AKAP10: variants seen among roughly 807,000 people sequenced by gnomAD.
The protein encoded by AKAP10 is A-kinase anchor protein 10, mitochondrial.
A neutral mutation model predicts 80.8 loss-of-function variants in AKAP10; 24 were observed. That is an observed-to-expected ratio of 0.30 (90% CI 0.22 to 0.42). The LOEUF (loss-of-function observed/expected upper bound fraction) is 0.42, where lower values mean the gene tolerates loss of function less well. Among genes scored for constraint, AKAP10 ranks in the 10% least tolerant of loss-of-function variants. The pLI, the probability that AKAP10 is intolerant of heterozygous loss-of-function variation, is 1.00. For synonymous variants in AKAP10, 291 were observed against 277.7 expected, an observed-to-expected ratio of 1.05 and a Z score of -0.48; for missense variants, 661 against 794.9, an observed-to-expected ratio of 0.83 and a Z score of 2.03.
At chr17:19,909,817 G>T in intron 13 of AKAP10, 109 bp downstream of exon 13, 1 of 879,650 alleles carries the variant, frequency 1.1e-6, no homozygotes, top group African/African-American at 1.7e-5. Flanking sequence ...ACATAAATGT[G>T]CCATGCTGCT....
At chr17:19,931,761 T>A in intron 10 of AKAP10, 44 bp downstream of exon 10, 1 of 1,560,400 alleles carries the variant, frequency 6.4e-7, no homozygotes, top group Non-Finnish European at 8.7e-7. Context: ...AAGGAAAGGA[T>A]GTGTATGCTT....
In AKAP10 at chr17:19,958,117, G is replaced by T; in HGVS notation, c.774C>A (p.His258Gln). The change falls in exon 4 of 15, where the codon CAC (histidine) becomes CAA (glutamine). Residue 258 changes from histidine to glutamine, a missense_variant. Transcript: ENST00000225737. Reference sequence around the variant, plus strand: ...ATTCTTGGGTTTCCATGGAAACTTGGTGAGTTCCTGCTCTGGCCATTTCAA... The same window carrying T: ...ATTCTTGGGTTTCCATGGAAACTTGTTGAGTTCCTGCTCTGGCCATTTCAA... The part of the protein sequence containing the change: ...LRLEMARAGT[H>Q]QVSMETQESS... 1 of 1,614,132 alleles carries T rather than the reference G, an allele frequency of 6.2e-7. No individual in the cohort carries two copies. Among genetic ancestry groups the T allele is most frequent in the Non-Finnish European group, 8.5e-7 (1 of 1,180,026 alleles).
Position 19,977,689 on chromosome 17 carries a change from G to A in AKAP10, c.-10C>T, listed in dbSNP as rs1457506053. 2.4e-6 allele frequency: 3 copies of A among 1,234,308 alleles called. No homozygotes were observed. Among genetic ancestry groups the A allele is most frequent in the Non-Finnish European group, 3.0e-6 (3 of 986,638 alleles). 76.5% of individuals were successfully genotyped at this position (1,234,308 alleles called of 1,614,324 possible). On this transcript the variant is annotated 5_prime_UTR_variant, in exon 1 of 15. Coordinates refer to ENST00000225737, the MANE Select transcript of AKAP10 (RefSeq NM_007202.4). ...GCCCGGCTCCCCTCATTCAGCAACC[G>A]GCCCGGACTTCCGGGTCCAGAGGGG...
intron 12 of AKAP10, among the ~76,000 whole-genome samples, chr17:19,914,613 A>G (rs2042724797): frequency 7.0e-6 from 1 of 143,602 alleles, no homozygotes. Context: ...TGGGCAACAG[A>G]GCAAGACCCT....
At chr17:19,945,439 T>C (rs1187807817) in intron 5 of AKAP10, among the ~76,000 whole-genome samples, 1 of 152,146 alleles carries the variant, frequency 6.6e-6, no homozygotes, top group Non-Finnish European at 1.5e-5. Context: ...ATGATGATAG[T>C]AGCAAATTCC....
chr17:19,938,236 TA>T (rs1345472159), intron 8 of AKAP10, among the ~76,000 whole-genome samples: 7 of 60,472 alleles, frequency 1.2e-4, no homozygotes, highest in African/African-American at 3.7e-4. Flanking sequence ...ACTGAAAACC[TA>T]TTTTTTTTTT....
intron 4 of AKAP10, among the ~76,000 whole-genome samples, chr17:19,952,552 A>C (rs577531368): frequency 6.6e-6 from 1 of 152,208 alleles, no homozygotes; most frequent in East Asian, 1.9e-4. Context: ...TTTAAATAGA[A>C]TTATAAAGGT....
chr17:19,946,239 ATATATATATATATATATAT>A (rs2043115043), intron 5 of AKAP10, among the ~76,000 whole-genome samples: 1 of 7,748 alleles, frequency 1.3e-4, no homozygotes, highest in African/African-American at 6.0e-4. Context: ...TATATATATT[ATATATATATATATATATAT>A]ATATATATAT....
Position 19,913,051 on chromosome 17 carries a change from C to T in AKAP10, c.1835-3073G>A, listed in dbSNP as rs151254295. 2.6e-3 allele frequency among the ~76,000 whole-genome samples: 401 copies of T among 151,720 alleles called. 1 individual carries two copies. The highest frequency in any genetic ancestry group is 9.1e-3 in the African/African-American group (378 of 41,358). The stretch of plus-strand genomic sequence containing the variant: ...GGAATGTAGTGGTGCATTATCAGCC[C>T]GCTGCAAACTCCACCTCCTGGGTTT... On this transcript the variant is annotated intron_variant, in intron 12 of 14. Coordinates refer to ENST00000225737, the MANE Select transcript of AKAP10 (RefSeq NM_007202.4).
rs1555581539 is a variant in AKAP10 at position 19,970,832 on chromosome 17, A to AT, written c.89-2372_89-2371insA. Among the ~76,000 whole-genome samples the AT allele has an allele frequency of 6.3e-4, 95 of 151,502 alleles. No individual in the cohort carries two copies. In the East Asian group the frequency reaches 0.015, roughly 23 times the overall value. On this transcript the variant is annotated intron_variant, in intron 1 of 14. Coordinates refer to ENST00000225737, the MANE Select transcript of AKAP10 (RefSeq NM_007202.4). ...AGCAAGACTCTGTCTTAAAAAAAAA[A>AT]AAATAAATAAATAAATAAAGACATT...
chr17:19,959,059 G>T (rs889439828), intron 3 of AKAP10, among the ~76,000 whole-genome samples: 1 of 151,746 alleles, frequency 6.6e-6, no homozygotes, highest in African/African-American at 2.4e-5. Flanking sequence ...CACCATGTTG[G>T]TCAGGATGGT....
Position 19,941,002 on chromosome 17 carries a change from C to T in AKAP10, c.1070G>A (p.Ser357Asn). ...GAAATGGTGACTTCGCAGAAACTCA[C>T]TAAAGTGCCTGCACATGGACAAAAG... is the stretch of plus-strand genomic sequence containing the variant. ...VFSAMEQEHF[S>N]EFLRSHHFCK... Residue 357 changes from serine (S) to asparagine (N), a missense_variant, in exon 7 of 15, where the codon AGT becomes AAT. Transcript: ENST00000225737. The T allele has an allele frequency of 1.3e-6, 2 of 1,599,998 alleles. No homozygotes were observed. Among genetic ancestry groups the T allele is most frequent in the Non-Finnish European group, 8.5e-7 (1 of 1,176,444 alleles).
At chr17:19,934,359 A>G (rs2042970354) in intron 9 of AKAP10, among the ~76,000 whole-genome samples, 1 of 152,026 alleles carries the variant, frequency 6.6e-6, no homozygotes, top group African/African-American at 2.4e-5. Flanking sequence ...GCCTTCTTTA[A>G]TTGTTCAAGA....
chr17:19,953,184 T>C (rs203471), intron 4 of AKAP10, among the ~76,000 whole-genome samples: 137,668 of 152,052 alleles, frequency 0.91, 62,704 homozygotes, highest in African/African-American at 0.98. Flanking sequence ...AAGAATAAGA[T>C]TCAAGGGAAA....
intron 1 of AKAP10, among the ~76,000 whole-genome samples, chr17:19,973,484 T>A (rs970370866): frequency 6.6e-6 from 1 of 152,214 alleles, no homozygotes; most frequent in Non-Finnish European, 1.5e-5. Flanking sequence ...GATGGATAAC[T>A]AGCATCATTT....
At position 19,940,858 on chromosome 17, in the gene AKAP10, TAG is replaced by T. The variant is rs763157938; in HGVS notation, c.1185+27_1185+28del. 2.0e-5 allele frequency: 31 copies of T among 1,575,180 alleles called. 1 individual carries two copies. Among genetic ancestry groups the T allele is most frequent in the Non-Finnish European group, 2.6e-5 (30 of 1,165,614 alleles). ...ATAGTTAGAGGCTGGAATGCTCGAA[TAG>T]AGTGTGAAAAGAAATGCAGACTTTA... On this transcript the variant is annotated intron_variant, in intron 7 of 14. Transcript: ENST00000225737.
At chr17:19,957,908 GA>G (rs1272967628) in intron 4 of AKAP10, 105 bp downstream of exon 4, 50 of 1,252,202 alleles carry the variant, frequency 4.0e-5, no homozygotes, top group Non-Finnish European at 4.9e-5. Flanking sequence ...AGTTAGAGGA[GA>G]AAAAAAATAT....
intron 5 of AKAP10, among the ~76,000 whole-genome samples, chr17:19,946,210 T>A (rs1421998749): frequency 1.7e-3 from 65 of 39,256 alleles, no homozygotes; most frequent in African/African-American, 6.2e-3. Context: ...ATATTTTATA[T>A]ATATATATAT....
intron 4 of AKAP10, among the ~76,000 whole-genome samples, chr17:19,952,518 A>G (rs2152416823): frequency 6.6e-6 from 1 of 152,072 alleles, no homozygotes; most frequent in Non-Finnish European, 1.5e-5. Flanking sequence ...CTACCCAACT[A>G]TATGCTGCCT....
Sources: allele counts gnomAD v4.1 joint callset (sites outside exome capture counted in the v4.1 genomes callset), GRCh38; gene constraint gnomAD v4.1.1; transcripts MANE v1.5; gene names NCBI Gene and HGNC (gene_info 2026-07-23, HGNC 2026-07-21).